ADAMTS20: variants seen among roughly 807,000 people sequenced by gnomAD.
ADAMTS20 encodes the protein ADAM metallopeptidase with thrombospondin type 1 motif 20.
ADAMTS20 carries 225 observed loss-of-function variants against 260.1 expected under a neutral mutation model. That is an observed-to-expected ratio of 0.87 (90% confidence interval 0.78 to 0.97). The LOEUF is 0.97. Among genes scored for constraint, ADAMTS20 ranks in the 50% least tolerant of loss-of-function variants. The pLI, the probability that ADAMTS20 is intolerant of heterozygous loss-of-function variation, is 0.00. For synonymous variants in ADAMTS20, 802 were observed against 769.5 expected (o/e 1.04, Z -0.70); for missense variants, 2,400 against 2,337.7 (o/e 1.03, Z -0.55).
At chr12:43,446,085 T>G (rs1941755025) in intron 15 of ADAMTS20, among the ~76,000 whole-genome samples, 1 of 152,014 alleles carries the variant, frequency 6.6e-6, no homozygotes. Context: ...AAACATTTAA[T>G]TCAGAAAATA....
chr12:43,405,058 C>T (rs1407481733), intron 28 of ADAMTS20, among the ~76,000 whole-genome samples: 1 of 151,346 alleles, frequency 6.6e-6, no homozygotes, highest in Non-Finnish European at 1.5e-5. Flanking sequence ...AACTACTACT[C>T]CTTAAACATG....
intron 28 of ADAMTS20, among the ~76,000 whole-genome samples, chr12:43,417,775 G>A (rs1044260332): frequency 6.6e-6 from 1 of 152,116 alleles, no homozygotes; most frequent in Admixed American, 6.5e-5. Context: ...AGGAAAATAA[G>A]CAAGATTTAC....
chr12:43,427,017 G>GA (rs1475709433), intron 27 of ADAMTS20, among the ~76,000 whole-genome samples: 3 of 151,526 alleles, frequency 2.0e-5, no homozygotes, highest in African/African-American at 7.3e-5. Flanking sequence ...TATTAAAAAT[G>GA]AAAAAAATAG....
At chr12:43,525,412 C>A (rs1241829262) in intron 3 of ADAMTS20, among the ~76,000 whole-genome samples, 1 of 152,082 alleles carries the variant, frequency 6.6e-6, no homozygotes, top group Non-Finnish European at 1.5e-5. Flanking sequence ...TTAATATGCA[C>A]CAAAATAGAA....
At chr12:43,543,299 G>A (rs1031569549) in intron 2 of ADAMTS20, among the ~76,000 whole-genome samples, 2 of 152,100 alleles carry the variant, frequency 1.3e-5, no homozygotes, top group African/African-American at 2.4e-5. Flanking sequence ...AACAGAGCAA[G>A]GTCTTGTCTC....
At chr12:43,470,370 T>C (rs1160107626) in intron 7 of ADAMTS20, among the ~76,000 whole-genome samples, 1 of 152,230 alleles carries the variant, frequency 6.6e-6, no homozygotes, top group Non-Finnish European at 1.5e-5. Flanking sequence ...TAAAGGTATA[T>C]ACATTTTAAA....
In ADAMTS20 at chr12:43,383,634, G is replaced by C; in HGVS notation, c.4721C>G (p.Ser1574Ter). The C allele has an allele frequency of 6.2e-7, 1 of 1,613,814 alleles. No homozygotes were observed. The highest frequency in any genetic ancestry group is 1.1e-5 in the South Asian group (1 of 91,062). Residue 1574 changes from serine (S) to a stop codon, truncating the protein, a stop_gained, in exon 31 of 39, where the codon TCA (serine) becomes TGA (stop). Coordinates refer to ENST00000389420, the MANE Select transcript of ADAMTS20 (RefSeq NM_025003.5). LOFTEE classifies it high-confidence loss of function. ...RQVNEIVYNS[S>*]TISLTSKNCR... ...ATTCTTGGATGTAAGAGATATGGTT[G>C]AAGAATTATAGACTATTTCATTCAC...
intron 36 of ADAMTS20, among the ~76,000 whole-genome samples, chr12:43,372,196 T>C (rs1940122493): frequency 6.6e-6 from 1 of 152,158 alleles, no homozygotes; most frequent in Admixed American, 6.5e-5. Flanking sequence ...GATTCCCAAA[T>C]AACAACTGAA....
At chr12:43,439,475 GA>G (rs1207778434) in intron 18 of ADAMTS20, 146 bp downstream of exon 18, 6 of 908,752 alleles carry the variant, frequency 6.6e-6, no homozygotes, top group Non-Finnish European at 9.5e-6. Flanking sequence ...AAGTAGAAAG[GA>G]AAAAAAGATT....
At chr12:43,387,995 C>A (rs931382199) in intron 29 of ADAMTS20, among the ~76,000 whole-genome samples, 6 of 152,108 alleles carry the variant, frequency 3.9e-5, no homozygotes, top group Non-Finnish European at 8.8e-5. Context: ...TGAGCTAGAC[C>A]ATGTGGCTGT....
At chr12:43,368,610 T>C (rs1940037550) in intron 37 of ADAMTS20, among the ~76,000 whole-genome samples, 1 of 152,198 alleles carries the variant, frequency 6.6e-6, no homozygotes, top group South Asian at 2.1e-4. Context: ...TTGTCTTAGG[T>C]AGTAGATTTG....
At chr12:43,408,892 C>T (rs1173766633) in intron 28 of ADAMTS20, among the ~76,000 whole-genome samples, 2 of 152,132 alleles carry the variant, frequency 1.3e-5, no homozygotes, top group African/African-American at 4.8e-5. Flanking sequence ...AATTGAATCT[C>T]AGCTGTCAGA....
intron 3 of ADAMTS20, among the ~76,000 whole-genome samples, chr12:43,523,354 G>C (rs1392345763): frequency 1.3e-5 from 2 of 152,150 alleles, no homozygotes; most frequent in Non-Finnish European, 2.9e-5. Flanking sequence ...CCTCATGGAA[G>C]TTCTGCCAAT....
rs570298028 is a variant in ADAMTS20, at chr12:43,477,030, G to T, written c.1118-8325C>A. Among the ~76,000 whole-genome samples, 6 of 133,684 alleles carry T rather than the reference G, an allele frequency of 4.5e-5. No individual in the cohort carries two copies. The East Asian group carries it at 1.1e-3, about 24-fold the overall frequency. The allele number at this position is 133,684 out of a possible 152,430, so 87.7% of individuals were successfully genotyped here. On this transcript the variant is annotated intron_variant, in intron 7 of 38. Coordinates refer to ENST00000389420, the MANE Select transcript of ADAMTS20 (RefSeq NM_025003.5). ...AAAAGTGTCAGACATGATACAAGATGATTTAAATAAAAGACCTCTAAATAA... is the reference window on the plus strand; with the variant it reads ...AAAAGTGTCAGACATGATACAAGATTATTTAAATAAAAGACCTCTAAATAA...
In ADAMTS20 at chr12:43,452,630, G is replaced by T. The variant is rs746057921; in HGVS notation, c.1826C>A (p.Ser609Ter). The T allele has an allele frequency of 1.2e-6, 2 of 1,613,156 alleles. No individual in the cohort carries two copies. The highest frequency in any genetic ancestry group is 1.7e-6 in the Non-Finnish European group (2 of 1,179,616). Residue 609 changes from serine (S) to a stop codon, truncating the protein, a stop_gained, in exon 13 of 39, where the codon TCA (serine) becomes TAA (stop). Coordinates refer to ENST00000389420, the MANE Select transcript of ADAMTS20 (RefSeq NM_025003.5). LOFTEE classifies it high-confidence loss of function. ...AAAGTCTTGTGTGCCTTTTGGACAT[G>T]AATCAGTATTACATGATCGAAATTT... Reference protein sequence around the residue: ...RMKFRSCNTDSCPKGTQDFRE... With the variant: ...RMKFRSCNTD
chr12:43,540,018 G>A lies in ADAMTS20; in HGVS notation c.454-7823C>T, dbSNP rs553163948. Among the ~76,000 whole-genome samples the A allele has an allele frequency of 1.6e-4, 25 of 152,194 alleles. No homozygotes were observed. The South Asian group carries it at 5.2e-3, about 32-fold the overall frequency. Reference sequence around the variant, plus strand: ...CTGCCTTAGCCTCCCAAGTAGCTGGGACTACAGGCGCTTGCCACCATGCCC... The same window carrying A: ...CTGCCTTAGCCTCCCAAGTAGCTGGAACTACAGGCGCTTGCCACCATGCCC... On this transcript the variant is annotated intron_variant, in intron 2 of 38. Coordinates refer to ENST00000389420, the MANE Select transcript of ADAMTS20 (RefSeq NM_025003.5).
In ADAMTS20 at chr12:43,471,944, G is replaced by A. The variant is rs1292842070; in HGVS notation, c.1118-3239C>T. Among the ~76,000 whole-genome samples, 317 of 149,656 alleles carry A rather than the reference G, an allele frequency of 2.1e-3. 2 individuals are homozygous for A. Among genetic ancestry groups the A allele is most frequent in the African/African-American group, 7.5e-3 (308 of 40,804 alleles). On this transcript the variant is annotated intron_variant, in intron 7 of 38. Coordinates refer to ENST00000389420, the MANE Select transcript of ADAMTS20 (RefSeq NM_025003.5). ...CGCAGAGCGCCTCTCCTCCTCCAAA[G>A]GAACGCAGTTCCTCACCAGCAACGG...
intron 37 of ADAMTS20, among the ~76,000 whole-genome samples, chr12:43,365,897 ATGAAAAAAC>A (rs1939973866): frequency 6.6e-6 from 1 of 152,078 alleles, no homozygotes; most frequent in African/African-American, 2.4e-5. Flanking sequence ...TTCAAAAATA[ATGAAAAAAC>A]TGAGGAAATT....
intron 14 of ADAMTS20, among the ~76,000 whole-genome samples, chr12:43,447,669 G>T (rs1167098192): frequency 6.6e-6 from 1 of 151,952 alleles, no homozygotes; most frequent in Non-Finnish European, 1.5e-5. Flanking sequence ...AAAAAGAAAG[G>T]GCATCCAAAT....
Sources: gnomAD v4.1 joint callset for allele counts (sites outside exome capture counted in the v4.1 genomes callset) on GRCh38, gnomAD v4.1.1 for gene constraint, MANE v1.5 for transcripts, NCBI Gene and HGNC (gene_info 2026-07-23, HGNC 2026-07-21) for gene names.